Variants in HS6ST3 observed in about 807,000 individuals in gnomAD.
HS6ST3 encodes the protein heparan-sulfate 6-O-sulfotransferase 3.
In HS6ST3, 12 loss-of-function variants were observed where a neutral mutation model predicts 36.7. That is an observed-to-expected ratio of 0.33 (90% confidence interval 0.21 to 0.53). The LOEUF (loss-of-function observed/expected upper bound fraction) is 0.53, where lower values mean the gene tolerates loss of function less well. Ranked by LOEUF, HS6ST3 falls within the 20% of genes least tolerant of loss-of-function variation. The probability of loss-of-function intolerance (pLI) is 0.95; values close to 1 mark genes in which losing one functional copy is unlikely to be tolerated. For missense variants in HS6ST3, 584 were observed against 640.9 expected, an observed-to-expected ratio of 0.91 and a Z score of 0.96; for synonymous variants, 240 against 257.5, an observed-to-expected ratio of 0.93 and a Z score of 0.65.
intron 1 of HS6ST3, among the ~76,000 whole-genome samples, chr13:96,634,162 G>A (rs1201754194): frequency 6.6e-6 from 1 of 152,202 alleles, no homozygotes; most frequent in Non-Finnish European, 1.5e-5. Context: ...AGAAACAGAT[G>A]TCTGTTGTTT....
rs1878932655 is a variant in HS6ST3 at position 96,836,578 on chromosome 13, T to C, written c.*3380T>C. On this transcript the variant is annotated 3_prime_UTR_variant, in exon 2 of 2. Coordinates refer to ENST00000376705, the MANE Select transcript of HS6ST3 (RefSeq NM_153456.4). The stretch of plus-strand genomic sequence containing the variant: ...CTAAAGGAGGTAACTTTGTGATAAT[T>C]AGTTTGATTAAAAGTTTGAAGTATG... 6.6e-6 allele frequency: 1 copy of C among 152,170 alleles called. No individual in the cohort carries two copies. Among genetic ancestry groups the C allele is most frequent in the Non-Finnish European group, 1.5e-5 (1 of 68,038 alleles). The allele number at this position is 152,170 out of a possible 1,614,324, so 9.4% of individuals were successfully genotyped here. A position where few individuals can be genotyped will look rare whatever the true frequency, so the allele number is the denominator to read the frequency against.
At chr13:96,179,033 A>G (rs1313739235) in intron 1 of HS6ST3, among the ~76,000 whole-genome samples, 1 of 152,238 alleles carries the variant, frequency 6.6e-6, no homozygotes, top group African/African-American at 2.4e-5. Flanking sequence ...TTAAATAAGT[A>G]ATCGGGAACC....
At chr13:96,164,342 C>T (rs886978574) in intron 1 of HS6ST3, among the ~76,000 whole-genome samples, 2 of 151,992 alleles carry the variant, frequency 1.3e-5, no homozygotes, top group African/African-American at 4.8e-5. Context: ...TCACTTGAGG[C>T]CAGGAGTTTG....
At chr13:96,566,832 A>G (rs546425384) in intron 1 of HS6ST3, among the ~76,000 whole-genome samples, 1 of 152,328 alleles carries the variant, frequency 6.6e-6, no homozygotes, top group South Asian at 2.1e-4. Flanking sequence ...AAAGCTGATC[A>G]GTTAAAAAAT....
intron 1 of HS6ST3, among the ~76,000 whole-genome samples, chr13:96,427,521 A>T (rs1316433565): frequency 5.9e-5 from 9 of 151,754 alleles, no homozygotes; most frequent in Admixed American, 5.9e-4. Flanking sequence ...CATAGTACAT[A>T]TTACTTTTAT....
Position 96,400,340 on chromosome 13 carries a change from T to C in HS6ST3, c.707+308771T>C, listed in dbSNP as rs58579961. 9.5e-3 allele frequency among the ~76,000 whole-genome samples: 1,367 copies of C among 144,496 alleles called. 5 individuals carry two copies. Among genetic ancestry groups the C allele is most frequent in the Non-Finnish European group, 0.016 (1,021 of 65,268 alleles). 94.8% of individuals were successfully genotyped at this position (144,496 alleles called of 152,430 possible). A position where few individuals can be genotyped will look rare whatever the true frequency, so the allele number is the denominator to read the frequency against. On this transcript the variant is annotated intron_variant, in intron 1 of 1. Transcript: ENST00000376705. ...ACACACACACACACACACACACACA[T>C]ACAAATTCTTGACTCCTGAATAGGC...
At chr13:96,582,100 A>C (rs2138969450) in intron 1 of HS6ST3, among the ~76,000 whole-genome samples, 1 of 152,334 alleles carries the variant, frequency 6.6e-6, no homozygotes. Context: ...TCCAGACACA[A>C]AGATTTTAAA....
At chr13:96,668,686 C>CTTTTTTTTTTTTTTTTTTTTTTTTTTTT (rs146033180) in intron 1 of HS6ST3, among the ~76,000 whole-genome samples, 1 of 58,916 alleles carries the variant, frequency 1.7e-5, no homozygotes, top group Non-Finnish European at 3.2e-5. Flanking sequence ...TAGTGCCAAC[C>CTTTTTTTTTTTTTTTTTTTTTTTTTTTT]TTTTTTTTTT....
At chr13:96,269,190 T>C (rs2054707438) in intron 1 of HS6ST3, among the ~76,000 whole-genome samples, 1 of 152,004 alleles carries the variant, frequency 6.6e-6, no homozygotes, top group African/African-American at 2.4e-5. Context: ...TGTAATAAAC[T>C]GTGTAAAGGG....
At chr13:96,293,466 A>T (rs1265367282) in intron 1 of HS6ST3, among the ~76,000 whole-genome samples, 1 of 152,056 alleles carries the variant, frequency 6.6e-6, no homozygotes, top group Non-Finnish European at 1.5e-5. Flanking sequence ...ACAAATTCTC[A>T]TACGTGTGCA....
intron 1 of HS6ST3, among the ~76,000 whole-genome samples, chr13:96,477,438 G>A (rs2055869426): frequency 6.6e-6 from 1 of 152,238 alleles, no homozygotes; most frequent in African/African-American, 2.4e-5. Context: ...AGAAGTAAAT[G>A]TGTTTATGTA....
chr13:96,235,642 C>A (rs1358831719), intron 1 of HS6ST3, among the ~76,000 whole-genome samples: 2 of 152,106 alleles, frequency 1.3e-5, no homozygotes, highest in East Asian at 3.9e-4. Flanking sequence ...TTAGCAATCT[C>A]CTCCCCCAAC....
At chr13:96,393,484 T>C (rs1015614084) in intron 1 of HS6ST3, among the ~76,000 whole-genome samples, 1 of 152,248 alleles carries the variant, frequency 6.6e-6, no homozygotes, top group African/African-American at 2.4e-5. Context: ...GTAATTATTA[T>C]CTTCATACTG....
intron 1 of HS6ST3, among the ~76,000 whole-genome samples, chr13:96,173,830 TGTG>T (rs1566899635): frequency 1.1e-3 from 1 of 912 alleles, no homozygotes; most frequent in Non-Finnish European, 3.8e-3. Flanking sequence ...TCTCTTTGTG[TGTG>T]TGTGTGTGTG....
At chr13:96,820,758 C>T (rs1353951462) in intron 1 of HS6ST3, among the ~76,000 whole-genome samples, 1 of 152,248 alleles carries the variant, frequency 6.6e-6, no homozygotes, top group Non-Finnish European at 1.5e-5. Context: ...AAATTATGCA[C>T]TCATGCTTTG....
intron 1 of HS6ST3, among the ~76,000 whole-genome samples, chr13:96,539,472 C>T (rs1171239678): frequency 1.3e-5 from 2 of 152,070 alleles, no homozygotes; most frequent in African/African-American, 4.8e-5. Flanking sequence ...TTTCCTGCTT[C>T]AGCCTCCCAA....
At chr13:96,580,221 TATATA>T (rs2056336993) in intron 1 of HS6ST3, among the ~76,000 whole-genome samples, 1 of 121,990 alleles carries the variant, frequency 8.2e-6, no homozygotes, top group Non-Finnish European at 1.8e-5. Flanking sequence ...TATATATATA[TATATA>T]TTTATGAAGA....
At chr13:96,297,067 A>T (rs891365451) in intron 1 of HS6ST3, among the ~76,000 whole-genome samples, 1 of 152,046 alleles carries the variant, frequency 6.6e-6, no homozygotes, top group Non-Finnish European at 1.5e-5. Context: ...ATGGCTTGCT[A>T]TATTACAGAC....
intron 1 of HS6ST3, among the ~76,000 whole-genome samples, chr13:96,112,282 C>A (rs2053871966): frequency 6.6e-6 from 1 of 152,030 alleles, no homozygotes; most frequent in African/African-American, 2.4e-5. Flanking sequence ...TAACAACCTG[C>A]ATCCCAGATG....
Sources: allele counts gnomAD v4.1 joint callset (sites outside exome capture counted in the v4.1 genomes callset), GRCh38; gene constraint gnomAD v4.1.1; transcripts MANE v1.5; gene names NCBI Gene and HGNC (gene_info 2026-07-23, HGNC 2026-07-21).